The following IGSF5 variants were observed in gnomAD, a reference collection of about 807,000 sequenced individuals.
IGSF5 encodes the protein immunoglobulin superfamily member 5, also known as immunoglobulin superfamily 5 like.
A neutral mutation model predicts 39.4 loss-of-function variants in IGSF5; 41 were observed. That is an observed-to-expected ratio of 1.04 (90% CI 0.81 to 1.35). The LOEUF is 1.35. IGSF5 is among the 40% of genes most tolerant of loss of function. The pLI, the probability that IGSF5 is intolerant of heterozygous loss-of-function variation, is 0.00. For missense variants in IGSF5, 487 were observed against 494.6 expected (o/e 0.98, Z 0.15); for synonymous variants, 183 against 175.3 (o/e 1.04, Z -0.34).
At chr21:39,719,737 G>T in the IGSF5 span, among the ~76,000 whole-genome samples, 1 of 152,152 alleles carries the variant, frequency 6.6e-6, no homozygotes, top group Non-Finnish European at 1.5e-5. Context: ...TTTCCTACAG[G>T]TATTACATGT....
chr21:39,767,333 G>A (rs917809767), intron 3 of IGSF5, among the ~76,000 whole-genome samples: 3 of 152,136 alleles, frequency 2.0e-5, no homozygotes, highest in Non-Finnish European at 4.4e-5. Flanking sequence ...AAGATGGTTT[G>A]ATGACTCCAA....
At chr21:39,773,756 A>G (rs1342978078) in intron 4 of IGSF5, among the ~76,000 whole-genome samples, 3 of 152,200 alleles carry the variant, frequency 2.0e-5, no homozygotes, top group African/African-American at 7.2e-5. Context: ...GTCTACTTAA[A>G]TATGATAAAG....
At chr21:39,760,813 G>A (rs1356591985) in intron 2 of IGSF5, among the ~76,000 whole-genome samples, 4 of 152,010 alleles carry the variant, frequency 2.6e-5, no homozygotes, top group African/African-American at 7.3e-5. Flanking sequence ...CTCATGATCC[G>A]CCCACCTCGG....
chr21:39,771,414 GT>G (rs1012562632), intron 4 of IGSF5, among the ~76,000 whole-genome samples, 199 bp downstream of exon 4: 1 of 152,056 alleles, frequency 6.6e-6, no homozygotes, highest in African/African-American at 2.4e-5. Context: ...CCATCTTAAA[GT>G]TTTTTTTCTC....
chr21:39,756,685 G>A (rs1380476837), intron 2 of IGSF5, among the ~76,000 whole-genome samples: 1 of 152,192 alleles, frequency 6.6e-6, no homozygotes, highest in Non-Finnish European at 1.5e-5. Context: ...AGGCTAAGGA[G>A]TGTTGTTTTG....
chr21:39,779,701 A>G (rs767719510), intron 5 of IGSF5, among the ~76,000 whole-genome samples: 4 of 152,270 alleles, frequency 2.6e-5, no homozygotes, highest in Non-Finnish European at 5.9e-5. Flanking sequence ...TATAGACACA[A>G]TGGAACACTA....
chr21:39,794,744 G>A (rs1451517666), intron 8 of IGSF5, among the ~76,000 whole-genome samples: 12 of 152,156 alleles, frequency 7.9e-5, no homozygotes, highest in South Asian at 2.1e-4. Context: ...AGCACACTGG[G>A]CCAGATGGGT....
chr21:39,731,561 G>A, the IGSF5 span, among the ~76,000 whole-genome samples: 1 of 152,320 alleles, frequency 6.6e-6, no homozygotes, highest in East Asian at 1.9e-4. Context: ...AGCAAACAAG[G>A]AAGTCTGAGA....
At chr21:39,739,355 C>T in the IGSF5 span, among the ~76,000 whole-genome samples, 2 of 151,940 alleles carry the variant, frequency 1.3e-5, no homozygotes, top group African/African-American at 4.8e-5. Context: ...GTTGCTGGCT[C>T]GAATGCCTGG....
At chr21:39,731,795 G>C in the IGSF5 span, among the ~76,000 whole-genome samples, 28,046 of 152,130 alleles carry the variant, frequency 0.18, 3,254 homozygotes, top group South Asian at 0.38. Context: ...CCTAAGAAGA[G>C]AACCCAGTCA....
the IGSF5 span, among the ~76,000 whole-genome samples, chr21:39,722,046 G>A: frequency 6.6e-6 from 1 of 152,210 alleles, no homozygotes. Context: ...GCATGACTCT[G>A]TCTGATGGAA....
intron 2 of IGSF5, among the ~76,000 whole-genome samples, chr21:39,761,489 A>G (rs62237174): frequency 0.42 from 64,087 of 152,074 alleles, 13,885 homozygotes; most frequent in Non-Finnish European, 0.48. Flanking sequence ...GGGAGAAAAT[A>G]TTCACATATT....
chr21:39,799,626 G>A (rs925045405), intron 8 of IGSF5, among the ~76,000 whole-genome samples: 13 of 151,764 alleles, frequency 8.6e-5, no homozygotes, highest in South Asian at 2.1e-4. Flanking sequence ...CTTGTACCTC[G>A]TGTCCCTGCT....
chr21:39,717,111 C>CT, the IGSF5 span, among the ~76,000 whole-genome samples: 44 of 152,226 alleles, frequency 2.9e-4, no homozygotes, highest in East Asian at 8.1e-3. Flanking sequence ...TGATATTGAG[C>CT]TTTTTTTCAT....
the IGSF5 span, among the ~76,000 whole-genome samples, chr21:39,724,920 G>A: frequency 6.6e-6 from 1 of 152,194 alleles, no homozygotes; most frequent in East Asian, 1.9e-4. Flanking sequence ...TGTTATTTGA[G>A]GTTTCCTTTA....
chr21:39,787,553 T>TG (rs915018605), intron 5 of IGSF5, among the ~76,000 whole-genome samples: 1 of 7,564 alleles, frequency 1.3e-4, no homozygotes, highest in African/African-American at 2.5e-4. Flanking sequence ...AATGACAGTG[T>TG]TTTTTTTTTT....
chr21:39,715,921 C>G, the IGSF5 span, among the ~76,000 whole-genome samples: 1 of 152,082 alleles, frequency 6.6e-6, no homozygotes, highest in Non-Finnish European at 1.5e-5. Context: ...GGAACCAACC[C>G]GGGGATGTTA....
chr21:39,788,089 G>A (rs1448295790), intron 5 of IGSF5, 78 bp from the exon 6 acceptor site: 5 of 1,058,650 alleles, frequency 4.7e-6, no homozygotes, highest in Non-Finnish European at 7.1e-6. Context: ...AAATAAGGGA[G>A]TGTATAAAAA....
chr21:39,722,192 G>T, the IGSF5 span, among the ~76,000 whole-genome samples: 1 of 152,176 alleles, frequency 6.6e-6, no homozygotes, highest in Non-Finnish European at 1.5e-5. Context: ...AAAGAAGCTT[G>T]CCTATGGTAG....
Sources: gnomAD v4.1 joint callset for allele counts (sites outside exome capture counted in the v4.1 genomes callset) on GRCh38, gnomAD v4.1.1 for gene constraint, MANE v1.5 for transcripts, NCBI Gene and HGNC (gene_info 2026-07-23, HGNC 2026-07-21) for gene names.